MRPS11: variants seen among roughly 807,000 people sequenced by gnomAD.
MRPS11 encodes mitochondrial ribosomal protein S11, also known as small ribosomal subunit protein uS11m.
Under a neutral mutation model 24.3 loss-of-function variants are expected in MRPS11, and 27 were observed. That is an observed-to-expected ratio of 1.11 (90% CI 0.82 to 1.53). The LOEUF (loss-of-function observed/expected upper bound fraction) is 1.53, where lower values mean the gene tolerates loss of function less well. MRPS11 is among the 40% of genes most tolerant of loss of function. The pLI is 0.00. For missense variants in MRPS11, 277 were observed against 256.5 expected (o/e 1.08, Z -0.55); for synonymous variants, 104 against 98.7 (o/e 1.05, Z -0.32).
rs541934264 is a variant in MRPS11, at chr15:88,477,579, C to T, written c.478-293C>T. ...GAGTAAGCTACAGAAGTATGATACC[C>T]AAGGTGTGCCAAGGTCTACAAGAAG... On this transcript the variant is annotated intron_variant, in intron 5 of 5. Coordinates refer to ENST00000325844, the MANE Select transcript of MRPS11 (RefSeq NM_022839.5). This position sits in a 1 kb window ranked among gnomAD's most constrained non-coding sequence, Gnocchi z 5.7. Among the ~76,000 whole-genome samples, 1 of 152,130 alleles carries T rather than the reference C, an allele frequency of 6.6e-6. No homozygotes were observed. The highest frequency in any genetic ancestry group is 1.5e-5 in the Non-Finnish European group (1 of 68,018).
Position 88,473,511 on chromosome 15 carries a change from C to A in MRPS11, c.281+786C>A, listed in dbSNP as rs541390449. On this transcript the variant is annotated intron_variant, in intron 3 of 5. Coordinates refer to ENST00000325844, the MANE Select transcript of MRPS11 (RefSeq NM_022839.5). The stretch of plus-strand genomic sequence containing the variant: ...CATTTGTCAGATAAATGTAAAGTGA[C>A]AGCAATTGGATTTCTTTTTCTTCCC... Among the ~76,000 whole-genome samples the A allele has an allele frequency of 1.4e-4, 21 of 152,322 alleles. No homozygotes were observed. In the South Asian group the frequency reaches 4.1e-3, roughly 30 times the overall value.
chr15:88,473,854 C>T (rs952556335), intron 3 of MRPS11, among the ~76,000 whole-genome samples: 6 of 152,196 alleles, frequency 3.9e-5, no homozygotes, highest in Non-Finnish European at 5.9e-5. Context: ...TTTCTTAAGG[C>T]ATTCTTAATT....
Position 88,469,521 on chromosome 15 carries a change from C to T in MRPS11, c.182+1497C>T, listed in dbSNP as rs2055640223. On this transcript the variant is annotated intron_variant, in intron 2 of 5. Transcript: ENST00000325844. The surrounding 1 kb of genome is among the most constrained non-coding windows in gnomAD (Gnocchi z 4.4). ...AAGGGGAAGTGGGGGTCAAGCAGGC[C>T]TGCATAGCCACATTCTGTAGGACTT... Among the ~76,000 whole-genome samples, 1 of 152,170 alleles carries T rather than the reference C, an allele frequency of 6.6e-6. No homozygotes were observed. The highest frequency in any genetic ancestry group is 2.1e-4 in the South Asian group (1 of 4,828).
rs11855447 is a variant in MRPS11 at position 88,472,490 on chromosome 15, C to T, written c.183-137C>T. ...ACATGCGGTGGTGGCACCAGAAGGA[C>T]TGAAAAGGAATGGTGGGGGCAGCCA... is the stretch of plus-strand genomic sequence containing the variant. On this transcript the variant is annotated intron_variant, in intron 2 of 5. Transcript: ENST00000325844. 16 of 653,842 alleles carry T rather than the reference C, an allele frequency of 2.4e-5. No individual in the cohort carries two copies. In the African/African-American group the frequency reaches 2.8e-4, roughly 11 times the overall value. The allele number at this position is 653,842 out of a possible 1,614,324, so 40.5% of individuals were successfully genotyped here.
At chr15:88,474,216 T>A (rs2142216235) in intron 3 of MRPS11, among the ~76,000 whole-genome samples, 1 of 152,156 alleles carries the variant, frequency 6.6e-6, no homozygotes, top group African/African-American at 2.4e-5. Context: ...AAGTTTTACT[T>A]GTTTAAAATA....
At position 88,477,772 on chromosome 15, in the gene MRPS11, C is replaced by T. The variant is rs1053509495; in HGVS notation, c.478-100C>T. 7 of 1,004,384 alleles carry T rather than the reference C, an allele frequency of 7.0e-6. No homozygotes were observed. The highest frequency in any genetic ancestry group is 1.3e-5 in the South Asian group (1 of 74,322). The allele number at this position is 1,004,384 out of a possible 1,614,324, so 62.2% of individuals were successfully genotyped here. ...AGTGAGCATCTCACCCCTCCGTTCC[C>T]TTCTCTACGCCACCCTGTCCCTCTC... On this transcript the variant is annotated intron_variant, in intron 5 of 5. Transcript: ENST00000325844. The surrounding 1 kb of genome is among the most constrained non-coding windows in gnomAD (Gnocchi z 5.7).
In MRPS11 at chr15:88,469,697, T is replaced by C. The variant is rs117864826; in HGVS notation, c.182+1673T>C. On this transcript the variant is annotated intron_variant, in intron 2 of 5. Transcript: ENST00000325844. The surrounding 1 kb of genome is among the most constrained non-coding windows in gnomAD (Gnocchi z 4.4). The stretch of plus-strand genomic sequence containing the variant: ...ATATTAAACCATTGGAGAGCAAGAA[T>C]GGAAGCTGGGAAAAGTCCTCTAAGC... Among the ~76,000 whole-genome samples, 1 of 152,166 alleles carries C rather than the reference T, an allele frequency of 6.6e-6. No individual in the cohort carries two copies. Among genetic ancestry groups the C allele is most frequent in the Non-Finnish European group, 1.5e-5 (1 of 68,034 alleles).
At chr15:88,472,401 G>A (rs1031017054) in intron 2 of MRPS11, 1 of 445,758 alleles carries the variant, frequency 2.2e-6, no homozygotes. Flanking sequence ...TCTCATAGCG[G>A]AAAGTCCCCA....
intron 3 of MRPS11, among the ~76,000 whole-genome samples, chr15:88,474,449 C>T (rs62024336): frequency 1.3e-4 from 19 of 151,936 alleles, no homozygotes; most frequent in Non-Finnish European, 2.6e-4. Context: ...ATCCCAGCTA[C>T]TCTGAAGGCT....
intron 4 of MRPS11, chr15:88,476,779 CA>C: frequency 1.7e-6 from 1 of 578,474 alleles, no homozygotes. Context: ...CTAAACAGAT[CA>C]CAGTCACGTG....
In MRPS11 at chr15:88,477,810, G is replaced by A; in HGVS notation, c.478-62G>A. ...CCCTGTCCCTCTCCGAACCCTGCCT[G>A]GAGACACTGGATCATCATTTCTGGG... On this transcript the variant is annotated intron_variant, in intron 5 of 5. Transcript: ENST00000325844. The surrounding 1 kb of genome is among the most constrained non-coding windows in gnomAD (Gnocchi z 5.7). 1.4e-6 allele frequency: 2 copies of A among 1,476,514 alleles called. No individual in the cohort carries two copies. The highest frequency in any genetic ancestry group is 1.9e-6 in the Non-Finnish European group (2 of 1,060,648). 91.5% of individuals were successfully genotyped at this position (1,476,514 alleles called of 1,614,324 possible).
At chr15:88,474,182 AAAAT>A (rs2055772219) in intron 3 of MRPS11, among the ~76,000 whole-genome samples, 1 of 150,396 alleles carries the variant, frequency 6.6e-6, no homozygotes, top group Non-Finnish European at 1.5e-5. Context: ...GTCTCACAAA[AAAAT>A]AAAAAAGAAA....
In MRPS11 at chr15:88,477,204, C is replaced by A; in HGVS notation, c.477+150C>A. 2.7e-6 allele frequency: 2 copies of A among 750,704 alleles called. No homozygotes were observed. Among genetic ancestry groups the A allele is most frequent in the Non-Finnish European group, 4.5e-6 (2 of 445,140 alleles). The allele number at this position is 750,704 out of a possible 1,614,324, so 46.5% of individuals were successfully genotyped here. A position where few individuals can be genotyped will look rare whatever the true frequency, so the allele number is the denominator to read the frequency against. ...CCCGTCTGTTGTTTCTATAATTGAC[C>A]AAGCCCCTCAGAGCAAGCCTAGATC... On this transcript the variant is annotated intron_variant, in intron 5 of 5. Transcript: ENST00000325844. This position sits in a 1 kb window ranked among gnomAD's most constrained non-coding sequence, Gnocchi z 5.7.
Position 88,478,984 on chromosome 15 carries a change from C to CA in MRPS11, c.*1012dup, listed in dbSNP as rs1367551256. On this transcript the variant is annotated 3_prime_UTR_variant, in exon 6 of 6. Coordinates refer to ENST00000325844, the MANE Select transcript of MRPS11 (RefSeq NM_022839.5). The surrounding 1 kb of genome is among the most constrained non-coding windows in gnomAD (Gnocchi z 4.7). ...AGCCCAGGTGACAGCGAGACTGTCT[C>CA]AAAAAAATAAATAAATATAAATAAA... is the stretch of plus-strand genomic sequence containing the variant. 2 of 147,330 alleles carry CA rather than the reference C, an allele frequency of 1.4e-5. No individual in the cohort carries two copies. Among genetic ancestry groups the CA allele is most frequent in the African/African-American group, 5.0e-5 (2 of 39,742 alleles). The allele number at this position is 147,330 out of a possible 1,614,324, so 9.1% of individuals were successfully genotyped here.
chr15:88,471,942 G>A (rs974316782), intron 2 of MRPS11, among the ~76,000 whole-genome samples: 1 of 152,226 alleles, frequency 6.6e-6, no homozygotes, highest in Non-Finnish European at 1.5e-5. Context: ...CACTGGTCTA[G>A]GGTAGAGGTT....
intron 4 of MRPS11, 23 bp from the exon 5 acceptor site, chr15:88,476,966 C>G: frequency 6.2e-7 from 1 of 1,608,628 alleles, no homozygotes; most frequent in Non-Finnish European, 8.5e-7. Flanking sequence ...CTCCGGGGCA[C>G]TAACCACTCT....
intron 2 of MRPS11, chr15:88,468,510 C>G: frequency 1.0e-6 from 1 of 989,340 alleles, no homozygotes; most frequent in Non-Finnish European, 1.2e-6. Context: ...ATCCACTTAA[C>G]TTCACATCCA....
intron 3 of MRPS11, among the ~76,000 whole-genome samples, chr15:88,474,567 A>C (rs891636062): frequency 6.6e-5 from 10 of 152,218 alleles, no homozygotes; most frequent in South Asian, 2.1e-4. Context: ...CTCAAAAAAA[A>C]AAAAGTAGCC....
intron 2 of MRPS11, among the ~76,000 whole-genome samples, chr15:88,472,046 G>C (rs117571680): frequency 6.6e-6 from 1 of 152,184 alleles, no homozygotes; most frequent in African/African-American, 2.4e-5. Flanking sequence ...ACTGTTGTCT[G>C]TACCTGTTGT....
Sources: allele counts gnomAD v4.1 joint callset (sites outside exome capture counted in the v4.1 genomes callset), GRCh38; gene constraint gnomAD v4.1.1; non-coding constraint Gnocchi (gnomAD v3.1); transcripts MANE v1.5; gene names NCBI Gene and HGNC (gene_info 2026-07-23, HGNC 2026-07-21).